The following KALRN variants were observed in gnomAD, a reference collection of about 807,000 sequenced individuals.
The protein encoded by KALRN is kalirin.
In KALRN, 70 loss-of-function variants were observed where a neutral mutation model predicts 353.7. That is an observed-to-expected ratio of 0.20 (90% CI 0.16 to 0.24). The LOEUF (loss-of-function observed/expected upper bound fraction) is 0.24, where lower values mean the gene tolerates loss of function less well. Ranked by LOEUF, KALRN falls within the 10% of genes least tolerant of loss-of-function variation. The probability of loss-of-function intolerance (pLI) is 1.00; values close to 1 mark genes in which losing one functional copy is unlikely to be tolerated. For synonymous variants in KALRN, 1,391 were observed against 1,434.8 expected (o/e 0.97, Z 0.69); for missense variants, 2,791 against 3,756.7 (o/e 0.74, Z 6.72).
At chr3:124,666,149 A>G (rs560188384) in intron 45 of KALRN, among the ~76,000 whole-genome samples, 1 of 152,226 alleles carries the variant, frequency 6.6e-6, no homozygotes, top group East Asian at 1.9e-4. Context: ...GGCCAGGATT[A>G]TGGCTTTTCT....
rs528717717 is a variant in KALRN at position 124,060,874 on chromosome 3, GC to G, written c.73+27062del. ...TAGGTGGAAGGGGTAGGGAAGCCAG[GC>G]AAGGCCTGGGGCCCCAGTGGTTGGG... On this transcript the variant is annotated intron_variant, in intron 1 of 59. Transcript: ENST00000682506. Among the ~76,000 whole-genome samples, 39 of 152,370 alleles carry G rather than the reference GC, an allele frequency of 2.6e-4. No homozygotes were observed. The East Asian group carries it at 6.2e-3, about 24-fold the overall frequency.
chr3:124,337,734 G>C (rs540963733), intron 9 of KALRN, among the ~76,000 whole-genome samples: 1 of 152,188 alleles, frequency 6.6e-6, no homozygotes, highest in Non-Finnish European at 1.5e-5. Context: ...GCTCCTCTTT[G>C]TATCTCTGTT....
intron 1 of KALRN, among the ~76,000 whole-genome samples, chr3:124,083,883 C>T (rs187091457): frequency 6.6e-6 from 1 of 152,308 alleles, no homozygotes; most frequent in African/African-American, 2.4e-5. Context: ...CTGTCTTTGT[C>T]AGGCAGACGA....
intron 1 of KALRN, among the ~76,000 whole-genome samples, chr3:124,058,734 G>C (rs921687521): frequency 1.3e-5 from 2 of 152,140 alleles, no homozygotes; most frequent in African/African-American, 4.8e-5. Flanking sequence ...TGTAGTATCT[G>C]TCTTTTCACC....
intron 10 of KALRN, among the ~76,000 whole-genome samples, chr3:124,356,405 C>T (rs2149642917): frequency 6.8e-6 from 1 of 148,144 alleles, no homozygotes; most frequent in East Asian, 2.0e-4. Flanking sequence ...GCGATTTCGG[C>T]TCACTGCAAC....
In KALRN at chr3:124,538,763, C is replaced by T. The variant is rs1359221176; in HGVS notation, c.4936-24080C>T. Among the ~76,000 whole-genome samples, 3 of 152,210 alleles carry T rather than the reference C, an allele frequency of 2.0e-5. No homozygotes were observed. In the South Asian group the frequency reaches 6.2e-4, roughly 32 times the overall value. ...TGGAGCAACTCTCCCACCACACTCA[C>T]GCTGAGTCTTGGCATCTCCACCTTG... On this transcript the variant is annotated intron_variant, in intron 33 of 59. Transcript: ENST00000682506.
intron 1 of KALRN, among the ~76,000 whole-genome samples, chr3:124,097,278 A>G (rs2061516981): frequency 6.6e-6 from 1 of 152,278 alleles, no homozygotes; most frequent in African/African-American, 2.4e-5. Flanking sequence ...TATTTGTTGA[A>G]GGAATGAATG....
intron 34 of KALRN, among the ~76,000 whole-genome samples, chr3:124,628,629 G>A (rs1196176074): frequency 6.7e-6 from 1 of 149,254 alleles, no homozygotes; most frequent in Non-Finnish European, 1.5e-5. Flanking sequence ...AGGCTAAAGT[G>A]CAGTGGTGTG....
chr3:124,284,758 CA>C (rs2075675323), intron 5 of KALRN, among the ~76,000 whole-genome samples: 1 of 152,068 alleles, frequency 6.6e-6, no homozygotes, highest in East Asian at 1.9e-4. Flanking sequence ...CTTTGGGCTT[CA>C]AGAAACAGAA....
chr3:124,215,518 G>A (rs2077248443), intron 1 of KALRN, among the ~76,000 whole-genome samples: 3 of 152,204 alleles, frequency 2.0e-5, no homozygotes, highest in Admixed American at 2.0e-4. Context: ...GATGAACAGA[G>A]AAGAGTGAGC....
chr3:124,349,407 G>A (rs908890916), intron 10 of KALRN, among the ~76,000 whole-genome samples: 1 of 152,098 alleles, frequency 6.6e-6, no homozygotes, highest in Non-Finnish European at 1.5e-5. Flanking sequence ...CTTTGAATAC[G>A]GCCCAACACA....
intron 33 of KALRN, among the ~76,000 whole-genome samples, chr3:124,537,997 A>T (rs780372774): frequency 2.1e-4 from 32 of 152,256 alleles, no homozygotes; most frequent in Non-Finnish European, 4.3e-4. Context: ...AACAAGCAAA[A>T]GAATTGTGAG....
At chr3:124,125,598 C>T (rs891710874) in intron 1 of KALRN, among the ~76,000 whole-genome samples, 2 of 152,180 alleles carry the variant, frequency 1.3e-5, no homozygotes, top group Admixed American at 1.3e-4. Context: ...CCCACTCTTC[C>T]TTATTCCTGG....
intron 2 of KALRN, among the ~76,000 whole-genome samples, chr3:124,233,502 T>A (rs1169593019): frequency 6.6e-6 from 1 of 152,208 alleles, no homozygotes; most frequent in Non-Finnish European, 1.5e-5. Context: ...GTGGTGGTGC[T>A]GAAACACTTT....
At chr3:124,051,902 C>A (rs545848353) in intron 1 of KALRN, among the ~76,000 whole-genome samples, 2 of 152,178 alleles carry the variant, frequency 1.3e-5, no homozygotes, top group African/African-American at 4.8e-5. Flanking sequence ...GGCTGGGTTT[C>A]GGAAGAACAG....
At chr3:124,648,283 C>A (rs760674783) in intron 37 of KALRN, among the ~76,000 whole-genome samples, 19 of 152,258 alleles carry the variant, frequency 1.2e-4, no homozygotes, top group Admixed American at 5.9e-4. Context: ...TTGTCCTTGT[C>A]TCTCACTGTT....
chr3:124,487,925 CAG>C (rs1383768921), intron 28 of KALRN, among the ~76,000 whole-genome samples: 1 of 152,196 alleles, frequency 6.6e-6, no homozygotes, highest in Non-Finnish European at 1.5e-5. Context: ...AGTCCAGTGA[CAG>C]AGAATGCCTC....
intron 16 of KALRN, among the ~76,000 whole-genome samples, chr3:124,431,193 T>C (rs1348206619): frequency 2.0e-5 from 3 of 152,214 alleles, no homozygotes; most frequent in Non-Finnish European, 4.4e-5. Context: ...ATCCTATTTT[T>C]AACCATTTGG....
chr3:124,430,106 T>A (rs565539776), intron 15 of KALRN, among the ~76,000 whole-genome samples: 3 of 152,286 alleles, frequency 2.0e-5, no homozygotes, highest in Admixed American at 6.5e-5. Flanking sequence ...AAGTTTATGT[T>A]CTCAGTGGGG....
Sources: gnomAD v4.1 joint callset for allele counts (sites outside exome capture counted in the v4.1 genomes callset) on GRCh38, gnomAD v4.1.1 for gene constraint, MANE v1.5 for transcripts, NCBI Gene and HGNC (gene_info 2026-07-23, HGNC 2026-07-21) for gene names.